TEX2: variants seen among roughly 807,000 people sequenced by gnomAD.
TEX2 encodes testis-expressed protein 2.
A neutral mutation model predicts 106.9 loss-of-function variants in TEX2; 53 were observed. The observed-to-expected ratio is 0.50, with a 90% CI of 0.40 to 0.62. The LOEUF (loss-of-function observed/expected upper bound fraction) is 0.62. Among genes scored for constraint, TEX2 ranks in the 20% least tolerant of loss-of-function variants. TEX2 has a pLI of 0.00. For missense variants in TEX2, 1,207 were observed against 1,379.0 expected, an observed-to-expected ratio of 0.88 and a Z score of 1.98; for synonymous variants, 523 against 534.8, an observed-to-expected ratio of 0.98 and a Z score of 0.30.
In TEX2 at chr17:64,160,850, T is replaced by C. The variant is rs888933490; in HGVS notation, c.2755A>G (p.Lys919Glu). ...TTCAGGGCTTCAACAAGAGGCTCTT[T>C]ACCTAGTTTGGTCAAATTCATTTTG... ...ETKMNLTKLG[K>E]EPLVEALKVG... The change falls in exon 8 of 12, where the codon AAA becomes GAA. Residue 919 changes from lysine (K) to glutamate (E), a missense_variant. This residue lies in a region of TEX2 where 1,067 missense variants were observed against 1,193.6 expected (regional missense o/e 0.89). Coordinates refer to ENST00000584379, the MANE Select transcript of TEX2 (RefSeq NM_001288732.2). The C allele has an allele frequency of 6.2e-7, 1 of 1,614,156 alleles. No homozygotes were observed. The highest frequency in any genetic ancestry group is 8.5e-7 in the Non-Finnish European group (1 of 1,180,004).
intron 1 of TEX2, among the ~76,000 whole-genome samples, chr17:64,228,929 T>TGTACAC (rs531528606): frequency 6.8e-6 from 1 of 146,648 alleles, no homozygotes; most frequent in African/African-American, 2.5e-5. Context: ...GACTGACAGG[T>TGTACAC]ACACACACAC....
In TEX2 at chr17:64,247,660, C is replaced by T. The variant is rs534630700; in HGVS notation, c.-26+15508G>A. Among the ~76,000 whole-genome samples, 11 of 152,278 alleles carry T rather than the reference C, an allele frequency of 7.2e-5. 1 individual carries two copies. The East Asian group carries it at 1.5e-3, about 21-fold the overall frequency. ...TTGTCTGTGCTCCAGGTTCTTCTAC[C>T]GTGAATTGGTCTCTCCATTCTAAAA... On this transcript the variant is annotated intron_variant, in intron 1 of 11. Transcript: ENST00000584379.
At chr17:64,227,742 C>T (rs1027861642) in intron 1 of TEX2, among the ~76,000 whole-genome samples, 1 of 152,118 alleles carries the variant, frequency 6.6e-6, no homozygotes, top group Admixed American at 6.6e-5. Flanking sequence ...GCAGTCTGGC[C>T]CTCTGGCAAA....
intron 2 of TEX2, among the ~76,000 whole-genome samples, chr17:64,207,613 T>C (rs556623857): frequency 4.2e-4 from 64 of 152,298 alleles, no homozygotes; most frequent in African/African-American, 1.5e-3. Context: ...ACAGGCCTGT[T>C]TTATAAAGAA....
rs770104454 is a variant in TEX2 at position 64,153,477 on chromosome 17, C to T, written c.2931-323G>A. ...GAAGGTGTAAATGTCTGAAACAGTC[C>T]AAACCTTGACAATGGAGAGCTGGAC... On this transcript the variant is annotated intron_variant, in intron 9 of 11. Transcript: ENST00000584379. This position sits in a 1 kb window ranked among gnomAD's most constrained non-coding sequence, Gnocchi z 4.1. 6.6e-6 allele frequency among the ~76,000 whole-genome samples: 1 copy of T among 152,180 alleles called. No individual in the cohort carries two copies. The highest frequency in any genetic ancestry group is 2.4e-5 in the African/African-American group (1 of 41,430).
Position 64,212,777 on chromosome 17 carries a change from T to G in TEX2, c.1441A>C (p.Met481Leu). ...LPVKTLGFFI[M>L]CVYVYLILPL... ...AGGATGAGGTACACATAGACACACA[T>G]TATAAAGAAGCCCAACGTCTTCACT... The change falls in exon 2 of 12, where the codon ATG becomes CTG. Residue 481 changes from methionine (M) to leucine (L), a missense_variant. Met to Leu is a conservative substitution (Grantham distance 15, BLOSUM62 2). Around this residue, in one of 3 missense-constraint regions of TEX2, gnomAD observed 1,067 missense variants for 1,193.6 expected, o/e 0.89. Transcript: ENST00000584379. 6.2e-7 allele frequency: 1 copy of G among 1,614,012 alleles called. No homozygotes were observed. Among genetic ancestry groups the G allele is most frequent in the Admixed American group, 1.7e-5 (1 of 60,018 alleles).
chr17:64,215,726 T>A (rs1206387026), intron 1 of TEX2, among the ~76,000 whole-genome samples: 2 of 152,240 alleles, frequency 1.3e-5, no homozygotes, highest in African/African-American at 4.8e-5. Context: ...GGTGACTGTA[T>A]CCAACCCAAC....
At chr17:64,169,048 CT>C (rs555898402) in intron 7 of TEX2, among the ~76,000 whole-genome samples, 1 of 151,548 alleles carries the variant, frequency 6.6e-6, no homozygotes, top group Non-Finnish European at 1.5e-5. Context: ...TTCTTTCTTT[CT>C]TTTTTTTAAG....
chr17:64,212,436 G>A, intron 2 of TEX2, 138 bp downstream of exon 2: 1 of 749,628 alleles, frequency 1.3e-6, no homozygotes. Flanking sequence ...GGTGCCTGGA[G>A]AATGAAGTGG....
chr17:64,212,005 G>T (rs782166049), intron 2 of TEX2, among the ~76,000 whole-genome samples: 1 of 152,202 alleles, frequency 6.6e-6, no homozygotes, highest in African/African-American at 2.4e-5. Flanking sequence ...ACAGCTAGAT[G>T]AATGTTTCTT....
chr17:64,196,556 G>A (rs2032473529), intron 2 of TEX2, among the ~76,000 whole-genome samples: 1 of 152,152 alleles, frequency 6.6e-6, no homozygotes, highest in Non-Finnish European at 1.5e-5. Flanking sequence ...GCAAGCAGTG[G>A]CCATGGGAAG....
chr17:64,165,748 A>G (rs1244926306), intron 7 of TEX2, among the ~76,000 whole-genome samples: 1 of 152,210 alleles, frequency 6.6e-6, no homozygotes, highest in Non-Finnish European at 1.5e-5. Context: ...AGTCTGGAAC[A>G]CTGGATGTGA....
intron 2 of TEX2, among the ~76,000 whole-genome samples, chr17:64,201,464 C>T (rs2032657180): frequency 6.6e-6 from 1 of 152,052 alleles, no homozygotes; most frequent in Non-Finnish European, 1.5e-5. Flanking sequence ...ACCTTATGGC[C>T]CAGGTACCCC....
chr17:64,213,915 G>A lies in TEX2; in HGVS notation c.303C>T (p.Ser101=), dbSNP rs201903439. ...AGACGGGCAAAATGGCAGGGGCCTG[G>A]GACACGGACAGTCCATCTGCCAGGA... ...SPVLADGLSV[S]QAPAILPVSK... Residue 101 remains serine (S), a synonymous_variant, in exon 2 of 12, where the codon TCC becomes TCT. Coordinates refer to ENST00000584379, the MANE Select transcript of TEX2 (RefSeq NM_001288732.2). This position sits in a 1 kb window ranked among gnomAD's most constrained non-coding sequence, Gnocchi z 4.4. 1.9e-5 allele frequency: 30 copies of A among 1,614,242 alleles called. No homozygotes were observed. The East Asian group carries it at 5.6e-4, about 30-fold the overall frequency.
intron 7 of TEX2, among the ~76,000 whole-genome samples, chr17:64,165,447 C>T (rs1567911306): frequency 1.3e-5 from 2 of 152,250 alleles, no homozygotes; most frequent in South Asian, 2.1e-4. Flanking sequence ...CCACACTAAG[C>T]CCTTTCCACA....
intron 4 of TEX2, 22 bp from the exon 5 acceptor site, chr17:64,188,437 C>T (rs1444536039): frequency 6.2e-7 from 1 of 1,612,482 alleles, no homozygotes; most frequent in African/African-American, 1.3e-5. Flanking sequence ...AAGACGGGGG[C>T]TATTCACACA....
chr17:64,219,506 A>ATAAAATAAAATATAAAATTAAATTAAAT (rs1555633006), intron 1 of TEX2, among the ~76,000 whole-genome samples: 3 of 134,308 alleles, frequency 2.2e-5, no homozygotes, highest in African/African-American at 5.4e-5. Context: ...ACTCCATCTC[A>ATAAAATAAAATATAAAATTAAATTAAAT]TCAAATAAAA....
chr17:64,199,249 T>A (rs1432632442), intron 2 of TEX2, among the ~76,000 whole-genome samples: 1 of 150,800 alleles, frequency 6.6e-6, no homozygotes, highest in Non-Finnish European at 1.5e-5. Context: ...TTTACTTTAT[T>A]TTTTTGAGAT....
intron 11 of TEX2, 36 bp from the exon 12 acceptor site, chr17:64,149,127 A>G (rs1413005588): frequency 6.2e-7 from 1 of 1,607,100 alleles, no homozygotes; most frequent in East Asian, 2.2e-5. Flanking sequence ...TATGTGGAAG[A>G]ATGCCTTGCC....
Sources: gnomAD v4.1 joint callset for allele counts (sites outside exome capture counted in the v4.1 genomes callset) on GRCh38, gnomAD v4.1.1 for gene constraint, gnomAD v4.1.1 regional missense constraint, Gnocchi (gnomAD v3.1) non-coding constraint, MANE v1.5 for transcripts, NCBI Gene and HGNC (gene_info 2026-07-23, HGNC 2026-07-21) for gene names.